EDIL3: variants seen among roughly 807,000 people sequenced by gnomAD.
EDIL3 encodes EGF-like repeat and discoidin I-like domain-containing protein 3.
Under a neutral mutation model 67.4 loss-of-function variants are expected in EDIL3, and 37 were observed. The observed-to-expected ratio is 0.55, with a 90% CI of 0.42 to 0.72. The LOEUF is 0.72. EDIL3 is among the 30% of genes least tolerant of loss of function. The pLI is 0.00. For synonymous variants in EDIL3, 195 were observed against 196.3 expected (o/e 0.99, Z 0.05); for missense variants, 527 against 586.3 (o/e 0.90, Z 1.04).
chr5:84,008,692 T>C (rs1157049528), intron 9 of EDIL3, among the ~76,000 whole-genome samples: 3 of 152,112 alleles, frequency 2.0e-5, no homozygotes, highest in Non-Finnish European at 4.4e-5. Context: ...TTCACAGAAA[T>C]GATGGGATAA....
At chr5:83,991,634 C>T (rs1486094649) in intron 9 of EDIL3, among the ~76,000 whole-genome samples, 1 of 152,118 alleles carries the variant, frequency 6.6e-6, no homozygotes, top group Admixed American at 6.5e-5. Context: ...TAGTAAGTAT[C>T]GTGGCGACTT....
chr5:84,343,394 A>G (rs1294079869), intron 1 of EDIL3, among the ~76,000 whole-genome samples: 1 of 152,024 alleles, frequency 6.6e-6, no homozygotes, highest in Non-Finnish European at 1.5e-5. Context: ...CAGGTCTTTA[A>G]GTCCTTTTAA....
At chr5:84,359,479 G>A (rs1747552374) in intron 1 of EDIL3, among the ~76,000 whole-genome samples, 1 of 152,118 alleles carries the variant, frequency 6.6e-6, no homozygotes, top group Non-Finnish European at 1.5e-5. Context: ...GGCTTACATG[G>A]TTCATGCATG....
At chr5:84,325,126 A>G (rs1301760007) in intron 1 of EDIL3, among the ~76,000 whole-genome samples, 1 of 151,972 alleles carries the variant, frequency 6.6e-6, no homozygotes, top group African/African-American at 2.4e-5. Flanking sequence ...GAAAAAATAG[A>G]CAAAATGAAC....
At chr5:84,064,165 T>A (rs1485417283) in intron 8 of EDIL3, among the ~76,000 whole-genome samples, 1 of 152,172 alleles carries the variant, frequency 6.6e-6, no homozygotes, top group Admixed American at 6.5e-5. Flanking sequence ...AGAATGAATT[T>A]ATATTAGCAA....
chr5:84,163,398 TA>T (rs1748647677), intron 4 of EDIL3, among the ~76,000 whole-genome samples: 1 of 152,108 alleles, frequency 6.6e-6, no homozygotes, highest in African/African-American at 2.4e-5. Flanking sequence ...AAATACGTTA[TA>T]TTCCTATGAG....
intron 1 of EDIL3, among the ~76,000 whole-genome samples, chr5:84,371,466 GAGAGAGAGAGAA>G (rs1302019709): frequency 2.0e-5 from 3 of 146,468 alleles, no homozygotes; most frequent in Non-Finnish European, 4.5e-5. Context: ...GAGAGAGAGA[GAGAGAGAGAGAA>G]AGAGAGAGAG....
chr5:84,074,058 T>C (rs1320588052), intron 6 of EDIL3, among the ~76,000 whole-genome samples: 1 of 152,022 alleles, frequency 6.6e-6, no homozygotes, highest in Non-Finnish European at 1.5e-5. Flanking sequence ...TCTACAACTA[T>C]CTGATCTTTG....
At chr5:84,055,441 A>T (rs1746424864) in intron 9 of EDIL3, among the ~76,000 whole-genome samples, 1 of 146,892 alleles carries the variant, frequency 6.8e-6, no homozygotes, top group Non-Finnish European at 1.5e-5. Context: ...TGGCAATAAA[A>T]GCCAAAATTG....
intron 9 of EDIL3, among the ~76,000 whole-genome samples, chr5:84,021,736 A>G (rs1022967497): frequency 3.3e-5 from 5 of 152,046 alleles, no homozygotes; most frequent in Non-Finnish European, 7.4e-5. Flanking sequence ...TCAGCTAAAC[A>G]GAAATACAAA....
chr5:84,102,525 C>T (rs150875640), intron 6 of EDIL3, among the ~76,000 whole-genome samples: 3 of 151,504 alleles, frequency 2.0e-5, no homozygotes, highest in Non-Finnish European at 4.4e-5. Context: ...AATCAACATA[C>T]AAAAATTACT....
chr5:84,123,864 T>C (rs1045501193), intron 5 of EDIL3, among the ~76,000 whole-genome samples: 1 of 151,956 alleles, frequency 6.6e-6, no homozygotes, highest in Non-Finnish European at 1.5e-5. Context: ...CCTTTTTACT[T>C]ACATGTTGTT....
In EDIL3 at chr5:83,963,345, G is replaced by T; in HGVS notation, c.1153C>A (p.Pro385Thr). The change falls in exon 10 of 11, where the codon CCA (proline) becomes ACA (threonine). Residue 385 changes from proline to threonine, a missense_variant. Coordinates refer to ENST00000296591, the MANE Select transcript of EDIL3 (RefSeq NM_005711.5). ...SQWLQVDLLV[P>T]TKVTGIITQG... ...GTAATGATGCCAGTCACTTTGGTTG[G>T]AACAAGAAGATCCACCTTAAAAAAA... 6.2e-7 allele frequency: 1 copy of T among 1,600,734 alleles called. No homozygotes were observed.
At chr5:84,355,229 A>G (rs527682012) in intron 1 of EDIL3, among the ~76,000 whole-genome samples, 5 of 151,962 alleles carry the variant, frequency 3.3e-5, no homozygotes, top group African/African-American at 1.2e-4. Flanking sequence ...TATTTCATTA[A>G]GTTAATCTTC....
chr5:83,964,943 C>A (rs1043776865), intron 9 of EDIL3, among the ~76,000 whole-genome samples: 2 of 151,894 alleles, frequency 1.3e-5, no homozygotes, highest in African/African-American at 2.4e-5. Flanking sequence ...TCTTCTGGGT[C>A]CTCATTTAAT....
intron 1 of EDIL3, among the ~76,000 whole-genome samples, chr5:84,282,125 C>G (rs1453861518): frequency 6.6e-6 from 1 of 151,936 alleles, no homozygotes; most frequent in Admixed American, 6.6e-5. Flanking sequence ...TCCACCTCAG[C>G]CTCCCAAAGT....
At chr5:84,280,947 C>CAAAA (rs11302104) in intron 1 of EDIL3, among the ~76,000 whole-genome samples, 1 of 70,192 alleles carries the variant, frequency 1.4e-5, no homozygotes, top group Non-Finnish European at 2.5e-5. Flanking sequence ...AAGACTCTGT[C>CAAAA]AAAAAAAAAA....
chr5:84,224,002 C>A (rs1430879086), intron 3 of EDIL3, among the ~76,000 whole-genome samples: 1 of 150,602 alleles, frequency 6.6e-6, no homozygotes, highest in Non-Finnish European at 1.5e-5. Flanking sequence ...TATAGAAATC[C>A]AAACTCAGTT....
At chr5:84,033,155 C>T (rs1350137747) in intron 9 of EDIL3, among the ~76,000 whole-genome samples, 1 of 152,188 alleles carries the variant, frequency 6.6e-6, no homozygotes, top group Non-Finnish European at 1.5e-5. Context: ...TAGGATGCTT[C>T]TCTGGAGATG....
Sources: gnomAD v4.1 joint callset for allele counts (sites outside exome capture counted in the v4.1 genomes callset) on GRCh38, gnomAD v4.1.1 for gene constraint, MANE v1.5 for transcripts, NCBI Gene and HGNC (gene_info 2026-07-23, HGNC 2026-07-21) for gene names.